FOXP2: variants seen among roughly 807,000 people sequenced by gnomAD.
The protein encoded by FOXP2 is forkhead box P2, also known as forkhead box protein P2.
FOXP2 carries 12 observed loss-of-function variants against 115.8 expected under a neutral mutation model. That is an observed-to-expected ratio of 0.10 (90% confidence interval 0.07 to 0.17). The LOEUF (loss-of-function observed/expected upper bound fraction) is 0.17, where lower values mean the gene tolerates loss of function less well. Ranked by LOEUF, FOXP2 falls within the 10% of genes least tolerant of loss-of-function variation. The pLI is 1.00. For missense variants in FOXP2, 629 were observed against 843.5 expected (o/e 0.75, Z 3.15); for synonymous variants, 328 against 297.7 (o/e 1.10, Z -1.05).
intron 3 of FOXP2, among the ~76,000 whole-genome samples, chr7:114,624,566 A>G (rs990378472): frequency 1.4e-4 from 21 of 151,964 alleles, no homozygotes; most frequent in African/African-American, 3.6e-4. Flanking sequence ...AGCCCAGCAC[A>G]TTCAGAAATG....
At chr7:114,385,003 T>C (rs1490845643) in intron 2 of FOXP2, among the ~76,000 whole-genome samples, 1 of 151,910 alleles carries the variant, frequency 6.6e-6, no homozygotes, top group Non-Finnish European at 1.5e-5. Context: ...TTTCTATCTT[T>C]TTCTTTCTTT....
chr7:114,136,646 T>A (rs1291622273), intron 1 of FOXP2, among the ~76,000 whole-genome samples: 1 of 151,422 alleles, frequency 6.6e-6, no homozygotes, highest in Non-Finnish European at 1.5e-5. Flanking sequence ...TGAAGAATTG[T>A]AAGGCCATTT....
intron 1 of FOXP2, among the ~76,000 whole-genome samples, chr7:114,283,886 C>G (rs1355910845): frequency 6.6e-6 from 1 of 152,040 alleles, no homozygotes; most frequent in East Asian, 1.9e-4. Flanking sequence ...TAGCTTGAGC[C>G]TGGGAATTGG....
At chr7:114,226,475 C>G (rs1182175521) in intron 1 of FOXP2, among the ~76,000 whole-genome samples, 1 of 152,094 alleles carries the variant, frequency 6.6e-6, no homozygotes, top group South Asian at 2.1e-4. Flanking sequence ...CATTTGGCAC[C>G]CTTCTATACA....
chr7:114,231,054 G>A (rs943596834), intron 1 of FOXP2, among the ~76,000 whole-genome samples: 14 of 151,094 alleles, frequency 9.3e-5, no homozygotes, highest in African/African-American at 2.7e-4. Context: ...TGCAGGATAC[G>A]ATATCAACAT....
At chr7:114,178,361 T>A (rs1345025807) in intron 1 of FOXP2, among the ~76,000 whole-genome samples, 6 of 151,908 alleles carry the variant, frequency 3.9e-5, no homozygotes, top group Non-Finnish European at 8.8e-5. Flanking sequence ...AGTGATTGCA[T>A]ATATTTTCAT....
At chr7:114,603,402 C>T (rs1245211969) in intron 3 of FOXP2, among the ~76,000 whole-genome samples, 2 of 152,216 alleles carry the variant, frequency 1.3e-5, no homozygotes, top group Non-Finnish European at 2.9e-5. Context: ...GATTTGCCTC[C>T]TCAGGATGAA....
intron 1 of FOXP2, among the ~76,000 whole-genome samples, chr7:114,099,603 G>A (rs1026622323): frequency 6.6e-6 from 1 of 152,170 alleles, no homozygotes; most frequent in African/African-American, 2.4e-5. Context: ...CAGTAGCCAA[G>A]ATATGGAAAT....
chr7:114,642,812 ATTTTTTT>A (rs869136743), intron 7 of FOXP2, among the ~76,000 whole-genome samples, 189 bp downstream of exon 7: 27 of 72,430 alleles, frequency 3.7e-4, no homozygotes, highest in African/African-American at 1.7e-3. Context: ...ATATATATAT[ATTTTTTT>A]TTTTTTTTAG....
chr7:114,457,770 T>C (rs967933863), intron 2 of FOXP2, among the ~76,000 whole-genome samples: 29 of 151,870 alleles, frequency 1.9e-4, no homozygotes, highest in African/African-American at 3.4e-4. Context: ...TGGTGGCAGG[T>C]GCCTGTAGTC....
intron 2 of FOXP2, among the ~76,000 whole-genome samples, chr7:114,508,083 A>G (rs992913809): frequency 5.3e-5 from 8 of 152,028 alleles, no homozygotes; most frequent in African/African-American, 1.9e-4. Flanking sequence ...CTGAAAGCAT[A>G]CATACTTTTT....
chr7:114,162,610 C>A (rs1792872039), upstream of FOXP2, among the ~76,000 whole-genome samples: 1 of 151,830 alleles, frequency 6.6e-6, no homozygotes, highest in African/African-American at 2.4e-5. Flanking sequence ...CTTTGCCAGT[C>A]CATTCAAACT....
At chr7:114,675,550 T>A (rs12705974) in intron 16 of FOXP2, among the ~76,000 whole-genome samples, 12 of 152,004 alleles carry the variant, frequency 7.9e-5, no homozygotes, top group Non-Finnish European at 1.8e-4. Context: ...CTAATTTGAA[T>A]GAAAATTTAT....
chr7:114,108,315 C>T (rs960133574), intron 1 of FOXP2, among the ~76,000 whole-genome samples: 1 of 151,882 alleles, frequency 6.6e-6, no homozygotes, highest in Non-Finnish European at 1.5e-5. Context: ...TGGTATCTGG[C>T]ACAAACTGTA....
chr7:114,463,055 G>A (rs1201048921), intron 2 of FOXP2: 2 of 433,340 alleles, frequency 4.6e-6, no homozygotes, highest in Non-Finnish European at 9.2e-6. Context: ...TAGAGACAGG[G>A]TCTTGTTCTG....
At chr7:114,350,497 T>G (rs926149044) in intron 2 of FOXP2, among the ~76,000 whole-genome samples, 2 of 152,190 alleles carry the variant, frequency 1.3e-5, no homozygotes, top group African/African-American at 4.8e-5. Flanking sequence ...TGTCTTGTCT[T>G]TAATGTAACT....
At chr7:114,498,680 C>A (rs1485895043) in intron 2 of FOXP2, among the ~76,000 whole-genome samples, 1 of 152,102 alleles carries the variant, frequency 6.6e-6, no homozygotes, top group Non-Finnish European at 1.5e-5. Flanking sequence ...GAAAAATATT[C>A]TTATACCAAA....
At position 114,689,814 on chromosome 7, in the gene FOXP2, T is replaced by C. The variant is rs1225170530; in HGVS notation, c.2036T>C (p.Ile679Thr). The change falls in exon 17 of 17, where the codon ATT becomes ACT. Residue 679 changes from isoleucine (I) to threonine (T), a missense_variant. Ile to Thr is a moderately conservative substitution (Grantham distance 89). Around this residue, in one of 9 missense-constraint regions of FOXP2, gnomAD observed 117 missense variants for 112.3 expected, o/e 1.04. Coordinates refer to ENST00000350908, the MANE Select transcript of FOXP2 (RefSeq NM_014491.4). ...ATCCACGTCAAGGAAGAGCCAGTGATTGCAGAGGATGAAGACTGCCCAATG... is the reference window on the plus strand; with the variant it reads ...ATCCACGTCAAGGAAGAGCCAGTGACTGCAGAGGATGAAGACTGCCCAATG... ...HSIHVKEEPV[I>T]AEDEDCPMSL... The C allele has an allele frequency of 6.2e-7, 1 of 1,613,384 alleles. No individual in the cohort carries two copies. The highest frequency in any genetic ancestry group is 8.5e-7 in the Non-Finnish European group (1 of 1,179,562).
chr7:114,600,808 G>A (rs916608415), intron 3 of FOXP2, among the ~76,000 whole-genome samples: 3 of 152,104 alleles, frequency 2.0e-5, no homozygotes, highest in African/African-American at 7.2e-5. Flanking sequence ...TTGGTGAGGT[G>A]TCTCTTCAGA....
Sources: gnomAD v4.1 joint callset for allele counts (sites outside exome capture counted in the v4.1 genomes callset) on GRCh38, gnomAD v4.1.1 for gene constraint, gnomAD v4.1.1 regional missense constraint, MANE v1.5 for transcripts, NCBI Gene and HGNC (gene_info 2026-07-23, HGNC 2026-07-21) for gene names.